The following TLN2 variants were observed in gnomAD, a reference collection of about 807,000 sequenced individuals.
The protein encoded by TLN2 is talin-2.
In TLN2, 118 loss-of-function variants were observed where a neutral mutation model predicts 294.7. The ratio of observed to expected loss-of-function variants is 0.40; its 90% CI spans 0.34 to 0.47. The LOEUF (loss-of-function observed/expected upper bound fraction) is 0.47. Among genes scored for constraint, TLN2 ranks in the 20% least tolerant of loss-of-function variants. TLN2 has a pLI of 0.84. For missense variants in TLN2, 3,083 were observed against 3,282.2 expected (o/e 0.94, Z 1.48); for synonymous variants, 1,431 against 1,304.5 (o/e 1.10, Z -2.09).
chr15:62,799,334 A>G (rs1051341141), intron 48 of TLN2, among the ~76,000 whole-genome samples: 1 of 152,172 alleles, frequency 6.6e-6, no homozygotes, highest in Non-Finnish European at 1.5e-5. Flanking sequence ...TAAAGGGAAA[A>G]TGTTTTTATT....
intron 1 of TLN2, among the ~76,000 whole-genome samples, chr15:62,496,173 G>A (rs1400692147): frequency 1.3e-5 from 2 of 152,142 alleles, no homozygotes; most frequent in Non-Finnish European, 2.9e-5. Context: ...GCTTTGCTAG[G>A]CCTCCTCTTT....
intron 1 of TLN2, among the ~76,000 whole-genome samples, chr15:62,415,145 G>A (rs1375461574): frequency 2.8e-5 from 4 of 140,928 alleles, no homozygotes; most frequent in African/African-American, 1.0e-4. Context: ...CTGACCTCAG[G>A]TGATCTGCCC....
At chr15:62,643,490 A>AT (rs1013035373) in intron 3 of TLN2, among the ~76,000 whole-genome samples, 6 of 134,624 alleles carry the variant, frequency 4.5e-5, no homozygotes, top group East Asian at 2.3e-4. Flanking sequence ...TTTTTGGGTG[A>AT]TAAAAAAAAA....
At chr15:62,591,129 C>T (rs754607354) in intron 2 of TLN2, among the ~76,000 whole-genome samples, 5 of 152,246 alleles carry the variant, frequency 3.3e-5, no homozygotes, top group Non-Finnish European at 4.4e-5. Flanking sequence ...TAACTACCAT[C>T]TACTAATATA....
intron 1 of TLN2, among the ~76,000 whole-genome samples, chr15:62,416,178 A>C (rs2034071268): frequency 6.6e-6 from 1 of 152,182 alleles, no homozygotes; most frequent in Non-Finnish European, 1.5e-5. Context: ...ACATGCCTGT[A>C]GTCCCAGCTA....
intron 1 of TLN2, among the ~76,000 whole-genome samples, chr15:62,503,339 G>A (rs2039411503): frequency 6.6e-6 from 1 of 152,168 alleles, no homozygotes; most frequent in African/African-American, 2.4e-5. Context: ...AGATACCTGG[G>A]ATCAGTAGGA....
intron 1 of TLN2, among the ~76,000 whole-genome samples, chr15:62,545,664 A>C (rs2041957435): frequency 6.6e-6 from 1 of 152,114 alleles, no homozygotes; most frequent in South Asian, 2.1e-4. Flanking sequence ...AATAGTGAAC[A>C]ATTGTTCCCT....
At chr15:62,796,436 A>G (rs1027797546) in intron 47 of TLN2, 143 bp downstream of exon 47, 64 of 1,057,752 alleles carry the variant, frequency 6.1e-5, no homozygotes, top group Non-Finnish European at 8.1e-5. Context: ...AAAGTGAACC[A>G]TGTAATCAGA....
chr15:62,417,840 T>A (rs2034174365), intron 1 of TLN2, among the ~76,000 whole-genome samples: 1 of 152,210 alleles, frequency 6.6e-6, no homozygotes, highest in Admixed American at 6.5e-5. Context: ...TGTCAGGCCT[T>A]CCCCTCCCTT....
At chr15:62,787,873 G>A (rs910053097) in intron 45 of TLN2, among the ~76,000 whole-genome samples, 1 of 150,368 alleles carries the variant, frequency 6.7e-6, no homozygotes. Flanking sequence ...TGTATTTATA[G>A]TAGAGACGGG....
At position 62,487,203 on chromosome 15, in the gene TLN2, T is replaced by C. The variant is rs114303225; in HGVS notation, c.-238+96518T>C. On this transcript the variant is annotated intron_variant, in intron 1 of 58. Transcript: ENST00000636159. ...TTTCTTCCTTGTGAATCTCTTCTCT[T>C]CTGTCGTTGACTTACTGGGTTGATT... 7.7e-3 allele frequency among the ~76,000 whole-genome samples: 1,178 copies of C among 152,282 alleles called. 13 individuals are homozygous for C. The highest frequency in any genetic ancestry group is 0.026 in the African/African-American group (1,081 of 41,560).
chr15:62,605,800 A>G (rs1363215239), intron 2 of TLN2, among the ~76,000 whole-genome samples: 1 of 152,200 alleles, frequency 6.6e-6, no homozygotes, highest in Non-Finnish European at 1.5e-5. Flanking sequence ...TGGGCAATCA[A>G]TATATGATGT....
chr15:62,564,925 A>AAAAATATAT (rs759679956), intron 1 of TLN2, among the ~76,000 whole-genome samples: 1 of 80,630 alleles, frequency 1.2e-5, no homozygotes, highest in African/African-American at 4.8e-5. Context: ...AAAAAAAAAA[A>AAAAATATAT]ATATATATAT....
At chr15:62,631,518 C>CTTTCTTCCTTTCCT (rs750976377) in intron 3 of TLN2, among the ~76,000 whole-genome samples, 1 of 89,648 alleles carries the variant, frequency 1.1e-5, no homozygotes, top group African/African-American at 4.6e-5. Context: ...TTCTTTCTTT[C>CTTTCTTCCTTTCCT]TTCCTTTCCT....
Position 62,422,948 on chromosome 15 carries a change from A to G in TLN2, c.-238+32263A>G, listed in dbSNP as rs566762829. On this transcript the variant is annotated intron_variant, in intron 1 of 58. Transcript: ENST00000636159. ...AACACCGGTATTGGGAGACCACCCAATCACTCAGACAAGCCCACAGACAGC... is the reference window on the plus strand; with the variant it reads ...AACACCGGTATTGGGAGACCACCCAGTCACTCAGACAAGCCCACAGACAGC... 5.9e-5 allele frequency among the ~76,000 whole-genome samples: 9 copies of G among 152,288 alleles called. No individual in the cohort carries two copies. The South Asian group carries it at 1.0e-3, about 18-fold the overall frequency.
chr15:62,642,340 A>G (rs1211863258), intron 3 of TLN2, among the ~76,000 whole-genome samples: 1 of 152,258 alleles, frequency 6.6e-6, no homozygotes, highest in Non-Finnish European at 1.5e-5. Context: ...ACTGCAAGAA[A>G]TTGTACACAG....
intron 57 of TLN2, among the ~76,000 whole-genome samples, chr15:62,836,361 C>T (rs796632615): frequency 1.3e-4 from 20 of 152,378 alleles, no homozygotes; most frequent in African/African-American, 4.3e-4. Flanking sequence ...GGGAAGCCCT[C>T]CCTGACTCCC....
intron 1 of TLN2, among the ~76,000 whole-genome samples, chr15:62,564,937 T>TAC (rs2043276510): frequency 6.8e-6 from 1 of 146,454 alleles, no homozygotes; most frequent in Non-Finnish European, 1.5e-5. Context: ...TATATATATA[T>TAC]ATATACTGCA....
intron 1 of TLN2, among the ~76,000 whole-genome samples, chr15:62,484,819 C>T (rs2038301735): frequency 6.6e-6 from 1 of 152,204 alleles, no homozygotes; most frequent in African/African-American, 2.4e-5. Context: ...GGGATGAAAA[C>T]TCGCTCATTT....
Sources: gnomAD v4.1 joint callset for allele counts (sites outside exome capture counted in the v4.1 genomes callset) on GRCh38, gnomAD v4.1.1 for gene constraint, MANE v1.5 for transcripts, NCBI Gene and HGNC (gene_info 2026-07-23, HGNC 2026-07-21) for gene names.